AHRR: variants seen among roughly 807,000 people sequenced by gnomAD.
The protein encoded by AHRR is ahR repressor.
Under a neutral mutation model 44.0 loss-of-function variants are expected in AHRR, and 28 were observed. The observed-to-expected ratio is 0.64, with a 90% CI of 0.47 to 0.87. The LOEUF is 0.87. Ranked by LOEUF, AHRR falls within the 40% of genes least tolerant of loss-of-function variation. AHRR has a pLI of 0.00. For missense variants in AHRR, 990 were observed against 953.9 expected, an observed-to-expected ratio of 1.04 and a Z score of -0.50; for synonymous variants, 434 against 407.0, an observed-to-expected ratio of 1.07 and a Z score of -0.80.
chr5:407,080 C>G lies in AHRR; in HGVS notation c.352-6264C>G, dbSNP rs745310423. 2.6e-5 allele frequency among the ~76,000 whole-genome samples: 4 copies of G among 152,178 alleles called. No homozygotes were observed. In the South Asian group the frequency reaches 8.3e-4, roughly 31 times the overall value. ...ATGCGCCATGATTTAATTATAGAGGCCTGACAGTATTTCTTAGATGTTTAA... is the reference window on the plus strand; with the variant it reads ...ATGCGCCATGATTTAATTATAGAGGGCTGACAGTATTTCTTAGATGTTTAA... On this transcript the variant is annotated intron_variant, in intron 4 of 10. Coordinates refer to ENST00000684583, the MANE Select transcript of AHRR (RefSeq NM_001377236.1).
chr5:431,624 G>A (rs919989215), intron 8 of AHRR, among the ~76,000 whole-genome samples: 11 of 150,728 alleles, frequency 7.3e-5, no homozygotes, highest in African/African-American at 2.7e-4. Context: ...ATGGCCCCCA[G>A]CAGCGGCCCC....
intron 4 of AHRR, among the ~76,000 whole-genome samples, chr5:399,781 C>T (rs1342591964): frequency 1.3e-4 from 20 of 152,246 alleles, no homozygotes. Context: ...CCGCCATCTG[C>T]CTGCTCTTCT....
chr5:352,617 T>C lies in AHRR; in HGVS notation c.63-1113T>C, dbSNP rs549400844. On this transcript the variant is annotated intron_variant, in intron 2 of 10. Coordinates refer to ENST00000684583, the MANE Select transcript of AHRR (RefSeq NM_001377236.1). ...GTTTAAATGGGTCAGCTGTAGGGGA[T>C]GGTCACTCTGAGGTTAAATAGGTCA... is the stretch of plus-strand genomic sequence containing the variant. Among the ~76,000 whole-genome samples the C allele has an allele frequency of 1.3e-4, 18 of 135,958 alleles. 1 individual carries two copies. Among genetic ancestry groups the C allele is most frequent in the Admixed American group, 3.6e-4 (5 of 13,770 alleles). 89.2% of individuals were successfully genotyped at this position (135,958 alleles called of 152,430 possible). A position where few individuals can be genotyped will look rare whatever the true frequency, so the allele number is the denominator to read the frequency against.
In AHRR at chr5:323,913, T is replaced by C. The variant is rs1040392345; in HGVS notation, c.-11+2094T>C. On this transcript the variant is annotated intron_variant, in intron 1 of 10. Coordinates refer to ENST00000684583, the MANE Select transcript of AHRR (RefSeq NM_001377236.1). ...AACAGGCCGATCTGCTAGGGGCTGA[T>C]GACTCGGGTAGGAAAGACTTGGCGG... 7.9e-5 allele frequency among the ~76,000 whole-genome samples: 12 copies of C among 152,028 alleles called. 1 individual carries two copies. Among genetic ancestry groups the C allele is most frequent in the African/African-American group, 2.9e-4 (12 of 41,378 alleles).
chr5:414,691 A>G (rs1735638889), intron 5 of AHRR, among the ~76,000 whole-genome samples: 1 of 152,258 alleles, frequency 6.6e-6, no homozygotes. Context: ...ACAATAAAAG[A>G]TAACAGCAGC....
chr5:403,586 A>G, intron 4 of AHRR: 2 of 376,944 alleles, frequency 5.3e-6, no homozygotes, highest in Non-Finnish European at 9.7e-6. Context: ...CAGTGAGCCG[A>G]GATCGCACCA....
At chr5:429,488 C>T (rs1174925085) in intron 8 of AHRR, among the ~76,000 whole-genome samples, 3 of 152,226 alleles carry the variant, frequency 2.0e-5, no homozygotes, top group African/African-American at 7.2e-5. Context: ...CCGGCCCTGC[C>T]CCTGCCCCCT....
chr5:408,225 C>G (rs1309249069), intron 4 of AHRR, among the ~76,000 whole-genome samples: 1 of 152,242 alleles, frequency 6.6e-6, no homozygotes, highest in Non-Finnish European at 1.5e-5. Context: ...GGGTTGCACC[C>G]CTTGTATGGG....
At chr5:418,088 T>C (rs1448347913) in intron 5 of AHRR, among the ~76,000 whole-genome samples, 2 of 152,238 alleles carry the variant, frequency 1.3e-5, no homozygotes, top group African/African-American at 2.4e-5. Flanking sequence ...TTAGCAGATG[T>C]GTGCAAGCTT....
Position 337,272 on chromosome 5 carries a change from T to G in AHRR, c.-10-6621T>G, listed in dbSNP as rs563066870. 2.6e-5 allele frequency among the ~76,000 whole-genome samples: 4 copies of G among 152,288 alleles called. No homozygotes were observed. In the East Asian group the frequency reaches 7.7e-4, roughly 29 times the overall value. The stretch of plus-strand genomic sequence containing the variant: ...TTAGACTCCACTGTCCTCCCCACTT[T>G]ATAGAGAAGCAAATCCCTAACATGC... On this transcript the variant is annotated intron_variant, in intron 1 of 10. Transcript: ENST00000684583. This position sits in a 1 kb window ranked among gnomAD's most constrained non-coding sequence, Gnocchi z 4.1.
At chr5:353,938 T>C in intron 3 of AHRR, 27 bp downstream of exon 3, 6 of 1,591,306 alleles carry the variant, frequency 3.8e-6, no homozygotes, top group Non-Finnish European at 5.1e-6. Flanking sequence ...CTCCCACCTG[T>C]TCACTTGAGT....
intron 5 of AHRR, among the ~76,000 whole-genome samples, chr5:415,226 C>T (rs1020907179): frequency 6.6e-5 from 10 of 152,228 alleles, no homozygotes; most frequent in South Asian, 2.1e-4. Flanking sequence ...CCTCTGCCTA[C>T]GAGGAAAGGG....
chr5:372,960 G>A (rs1047327552), intron 3 of AHRR, among the ~76,000 whole-genome samples: 1 of 152,236 alleles, frequency 6.6e-6, no homozygotes, highest in Non-Finnish European at 1.5e-5. Context: ...GAGCCCCCAA[G>A]GGAGCCACTC....
At chr5:415,337 TGGGGCGGGAGGCCTAGGGGCCGAGTCTCC>T (rs1735686551) in intron 5 of AHRR, among the ~76,000 whole-genome samples, 2 of 147,976 alleles carry the variant, frequency 1.4e-5, no homozygotes, top group Admixed American at 6.7e-5. Context: ...ATCTGCCTGG[TGGGGCGGGAGGCCTAGGGGCCGAGTCTCC>T]CTGGTCGGGT....
chr5:391,047 C>CAG (rs1469451180), intron 4 of AHRR, among the ~76,000 whole-genome samples: 2 of 39,970 alleles, frequency 5.0e-5, no homozygotes, highest in Admixed American at 5.6e-4. Flanking sequence ...AGAACATCCT[C>CAG]AGACAGACGG....
intron 4 of AHRR, among the ~76,000 whole-genome samples, chr5:385,004 C>CGTG (rs1734114536): frequency 6.6e-6 from 1 of 151,980 alleles, no homozygotes; most frequent in Admixed American, 6.5e-5. Flanking sequence ...ATTATCCGGG[C>CGTG]GTGGTGGCAC....
intron 4 of AHRR, among the ~76,000 whole-genome samples, chr5:392,805 C>A (rs150632254): frequency 6.6e-6 from 1 of 152,088 alleles, no homozygotes; most frequent in Admixed American, 6.6e-5. Context: ...GGCCTTACCG[C>A]GACTGCCTCA....
At chr5:409,656 G>A (rs371694679) in intron 4 of AHRR, among the ~76,000 whole-genome samples, 3 of 147,744 alleles carry the variant, frequency 2.0e-5, no homozygotes, top group Non-Finnish European at 4.5e-5. Flanking sequence ...GTTTAAAATT[G>A]TTTTTTTTTT....
At chr5:373,668 C>T (rs1393441295) in intron 3 of AHRR, among the ~76,000 whole-genome samples, 1 of 149,508 alleles carries the variant, frequency 6.7e-6, no homozygotes. Context: ...GGCTCCCTCC[C>T]GGGGCGGACC....
Sources: allele counts gnomAD v4.1 joint callset (sites outside exome capture counted in the v4.1 genomes callset), GRCh38; gene constraint gnomAD v4.1.1; non-coding constraint Gnocchi (gnomAD v3.1); transcripts MANE v1.5; gene names NCBI Gene and HGNC (gene_info 2026-07-23, HGNC 2026-07-21).